Variants in ERICH6B observed in about 807,000 individuals in gnomAD.
ERICH6B encodes the protein glutamate rich 6B, also known as glutamate-rich protein 6B.
A neutral mutation model predicts 80.0 loss-of-function variants in ERICH6B; 69 were observed. The observed-to-expected ratio is 0.86, with a 90% CI of 0.71 to 1.05. The LOEUF (loss-of-function observed/expected upper bound fraction) is 1.05. ERICH6B is among the 50% of genes least tolerant of loss of function. The pLI is 0.00. For missense variants in ERICH6B, 754 were observed against 796.1 expected (o/e 0.95, Z 0.64); for synonymous variants, 283 against 291.9 (o/e 0.97, Z 0.31).
At chr13:45,550,087 C>T (rs1357482868) in intron 12 of ERICH6B, 42 bp from the exon 13 acceptor site, 2 of 1,548,354 alleles carry the variant, frequency 1.3e-6, no homozygotes, top group Non-Finnish European at 1.7e-6. Context: ...CCTTGGGGTC[C>T]CCTGGAAAAG....
At chr13:45,569,281 A>G (rs1875053073) in intron 8 of ERICH6B, among the ~76,000 whole-genome samples, 1 of 152,142 alleles carries the variant, frequency 6.6e-6, no homozygotes, top group African/African-American at 2.4e-5. Context: ...ACGTGCCACC[A>G]TGCCCAGCTA....
At chr13:45,581,545 T>G (rs1176978989) in intron 5 of ERICH6B, among the ~76,000 whole-genome samples, 1 of 152,204 alleles carries the variant, frequency 6.6e-6, no homozygotes, top group Non-Finnish European at 1.5e-5. Flanking sequence ...CCTGGCTACT[T>G]TTTGTATTTT....
chr13:45,542,618 C>T (rs1003160534), intron 14 of ERICH6B, among the ~76,000 whole-genome samples: 7 of 152,232 alleles, frequency 4.6e-5, no homozygotes, highest in African/African-American at 1.7e-4. Context: ...CTTCCTGTCC[C>T]TGCCCTCCTC....
At chr13:45,559,355 C>A (rs907493706) in intron 11 of ERICH6B, among the ~76,000 whole-genome samples, 3 of 151,980 alleles carry the variant, frequency 2.0e-5, no homozygotes, top group African/African-American at 4.8e-5. Flanking sequence ...AAAGAACCAA[C>A]TTTTTGTTTC....
At chr13:45,576,984 T>C (rs116151231) in intron 7 of ERICH6B, among the ~76,000 whole-genome samples, 1 of 152,268 alleles carries the variant, frequency 6.6e-6, no homozygotes, top group African/African-American at 2.4e-5. Context: ...CCTCTGCCTC[T>C]CTTCTAGTGA....
At chr13:45,590,719 A>C in intron 3 of ERICH6B, 22 bp from the exon 4 acceptor site, 8 of 1,548,424 alleles carry the variant, frequency 5.2e-6, no homozygotes, top group Non-Finnish European at 7.0e-6. Context: ...AAGAATAAAA[A>C]AGCAATATTG....
rs749381750 is a variant in ERICH6B, at chr13:45,580,585, A to G, written c.919+18T>C. On this transcript the variant is annotated intron_variant, in intron 6 of 14. Coordinates refer to ENST00000298738, the MANE Select transcript of ERICH6B (RefSeq NM_182542.3). ...TGACTAACTTCTACAGATCATTTAA[A>G]ATCATCATAAACTTTACCTTCCGGA... 11 of 1,551,158 alleles carry G rather than the reference A, an allele frequency of 7.1e-6. No individual in the cohort carries two copies. The South Asian group carries it at 1.3e-4, about 18-fold the overall frequency.
intron 9 of ERICH6B, among the ~76,000 whole-genome samples, chr13:45,566,641 T>G (rs1874926916): frequency 6.6e-6 from 1 of 152,252 alleles, no homozygotes; most frequent in South Asian, 2.1e-4. Flanking sequence ...AGTCAAGAAT[T>G]GGGGTTTGGG....
At chr13:45,563,860 G>C (rs1484456049) in intron 9 of ERICH6B, 72 bp from the exon 10 acceptor site, 2 of 1,259,982 alleles carry the variant, frequency 1.6e-6, no homozygotes, top group Non-Finnish European at 2.3e-6. Context: ...ACACAGTGCA[G>C]ACAGTACTGG....
At chr13:45,577,261 T>C (rs1287919005) in intron 7 of ERICH6B, among the ~76,000 whole-genome samples, 2 of 149,768 alleles carry the variant, frequency 1.3e-5, no homozygotes, top group Admixed American at 1.3e-4. Flanking sequence ...TCTCCTGGAC[T>C]GATTAAAAAC....
intron 2 of ERICH6B, among the ~76,000 whole-genome samples, chr13:45,598,243 T>C (rs565674554): frequency 6.6e-6 from 1 of 152,304 alleles, no homozygotes; most frequent in Non-Finnish European, 1.5e-5. Flanking sequence ...GTCTCAATGA[T>C]AGTGACCTTC....
At chr13:45,576,469 T>C (rs902109675) in intron 7 of ERICH6B, among the ~76,000 whole-genome samples, 2 of 152,134 alleles carry the variant, frequency 1.3e-5, no homozygotes, top group Non-Finnish European at 2.9e-5. Context: ...AAAAAAAACA[T>C]TGAAGAAAAC....
At chr13:45,606,375 C>T (rs898174211) in intron 2 of ERICH6B, among the ~76,000 whole-genome samples, 1 of 150,724 alleles carries the variant, frequency 6.6e-6, no homozygotes, top group Non-Finnish European at 1.5e-5. Flanking sequence ...CCTTTCTACC[C>T]ACTAACTGTG....
intron 13 of ERICH6B, among the ~76,000 whole-genome samples, chr13:45,546,347 C>T (rs760936812): frequency 5.3e-5 from 8 of 152,164 alleles, no homozygotes; most frequent in Non-Finnish European, 8.8e-5. Context: ...AGAAAGGAAG[C>T]GATGCTGAGG....
intron 2 of ERICH6B, among the ~76,000 whole-genome samples, chr13:45,605,616 T>G (rs1433774898): frequency 6.6e-6 from 1 of 152,248 alleles, no homozygotes; most frequent in Non-Finnish European, 1.5e-5. Flanking sequence ...GCAATGTTCT[T>G]TCCCCAGTGC....
chr13:45,585,838 T>G (rs1875876151), intron 5 of ERICH6B, among the ~76,000 whole-genome samples: 1 of 152,218 alleles, frequency 6.6e-6, no homozygotes, highest in Admixed American at 6.5e-5. Flanking sequence ...TTAATAATGC[T>G]AATGAAGGGC....
rs528299116 is a variant in ERICH6B, at chr13:45,577,623, A to AT, written c.961+2309dup. On this transcript the variant is annotated intron_variant, in intron 7 of 14. Coordinates refer to ENST00000298738, the MANE Select transcript of ERICH6B (RefSeq NM_182542.3). ...TATCATTTTTCTTTTTTATTAAAAC[A>AT]TTTTTTTAGGGACAGGGTCTCTCTC... Among the ~76,000 whole-genome samples, 4 of 151,900 alleles carry AT rather than the reference A, an allele frequency of 2.6e-5. No homozygotes were observed. The East Asian group carries it at 7.7e-4, about 29-fold the overall frequency.
intron 1 of ERICH6B, among the ~76,000 whole-genome samples, chr13:45,614,036 G>A (rs1292865962): frequency 1.3e-5 from 2 of 152,184 alleles, no homozygotes; most frequent in Non-Finnish European, 2.9e-5. Flanking sequence ...GCTTCACCCT[G>A]TCTGCTGGTG....
In ERICH6B at chr13:45,550,336, C is replaced by CTATGAAAAG. The variant is rs1440580246; in HGVS notation, c.1408-29_1408-21dup. Reference sequence around the variant, plus strand: ...ATGCACCTGGGAAGAAAAGACAAGCCTATGAAAAGTGTGAAAAGTACATGG... The same window carrying CTATGAAAAG: ...ATGCACCTGGGAAGAAAAGACAAGCCTATGAAAAGTATGAAAAGTGTGAAAAGTACATGG... On this transcript the variant is annotated intron_variant, in intron 11 of 14. Coordinates refer to ENST00000298738, the MANE Select transcript of ERICH6B (RefSeq NM_182542.3). 3 of 1,545,062 alleles carry CTATGAAAAG rather than the reference C, an allele frequency of 1.9e-6. No individual in the cohort carries two copies. The South Asian group carries it at 3.6e-5, about 18-fold the overall frequency.
Sources: gnomAD v4.1 joint callset for allele counts (sites outside exome capture counted in the v4.1 genomes callset) on GRCh38, gnomAD v4.1.1 for gene constraint, MANE v1.5 for transcripts, NCBI Gene and HGNC (gene_info 2026-07-23, HGNC 2026-07-21) for gene names.